The following SLC9A1 variants were observed in gnomAD, a reference collection of about 807,000 sequenced individuals.
SLC9A1 encodes sodium/hydrogen exchanger 1.
Under a neutral mutation model 67.9 loss-of-function variants are expected in SLC9A1, and 22 were observed. The observed-to-expected ratio is 0.32, with a 90% CI of 0.23 to 0.46. The LOEUF is 0.46. SLC9A1 is among the 20% of genes least tolerant of loss of function. SLC9A1 has a pLI of 1.00. For missense variants in SLC9A1, 686 were observed against 1,094.8 expected (o/e 0.63, Z 5.27); for synonymous variants, 421 against 471.8 (o/e 0.89, Z 1.40).
At position 27,104,472 on chromosome 1, in the gene SLC9A1, C is replaced by A. The variant is rs574593125; in HGVS notation, c.1486-1160G>T. 2.0e-5 allele frequency among the ~76,000 whole-genome samples: 3 copies of A among 152,302 alleles called. No homozygotes were observed. The East Asian group carries it at 5.8e-4, about 29-fold the overall frequency. ...GCTCAATCACAGCTCACAGCTGCCT[C>A]AATCTCCTGGGCTCAAGCTATCCTC... On this transcript the variant is annotated intron_variant, in intron 5 of 11. Coordinates refer to ENST00000263980, the MANE Select transcript of SLC9A1 (RefSeq NM_003047.5).
In SLC9A1 at chr1:27,131,950, ATATATATATAT is replaced by A. The variant is rs1557428225; in HGVS notation, c.353-17675_353-17665del. ...AGAAGAAGAAGAAGAAAAAAAAAAT[ATATATATATAT>A]ATATATATATATATATAAAATTATG... On this transcript the variant is annotated intron_variant, in intron 1 of 11. Coordinates refer to ENST00000263980, the MANE Select transcript of SLC9A1 (RefSeq NM_003047.5). Among the ~76,000 whole-genome samples, 805 of 92,030 alleles carry A rather than the reference ATATATATATAT, an allele frequency of 8.7e-3. 57 individuals are homozygous for A. Among genetic ancestry groups the A allele is most frequent in the African/African-American group, 0.035 (762 of 21,906 alleles). The allele number at this position is 92,030 out of a possible 152,430, so 60.4% of individuals were successfully genotyped here.
At chr1:27,115,494 G>C (rs751676252) in intron 1 of SLC9A1, among the ~76,000 whole-genome samples, 3 of 152,144 alleles carry the variant, frequency 2.0e-5, no homozygotes, top group Non-Finnish European at 4.4e-5. Context: ...GCATAGCCAA[G>C]AGGGTTTGTC....
intron 1 of SLC9A1, among the ~76,000 whole-genome samples, chr1:27,122,999 G>A (rs1557746300): frequency 1.3e-5 from 2 of 151,872 alleles, no homozygotes; most frequent in Non-Finnish European, 2.9e-5. Context: ...GGTTACCTGG[G>A]GAAGCGGTGG....
intron 1 of SLC9A1, among the ~76,000 whole-genome samples, chr1:27,131,775 T>C (rs1241748503): frequency 6.9e-6 from 1 of 145,114 alleles, no homozygotes; most frequent in Non-Finnish European, 1.5e-5. Context: ...TATCCAGGCA[T>C]GGTGGCACAC....
intron 1 of SLC9A1, among the ~76,000 whole-genome samples, chr1:27,146,084 G>C (rs1570886826): frequency 1.3e-5 from 2 of 152,202 alleles, no homozygotes; most frequent in Non-Finnish European, 2.9e-5. Flanking sequence ...GCCTGACTCA[G>C]ACATTTGCAG....
intron 1 of SLC9A1, among the ~76,000 whole-genome samples, chr1:27,116,692 C>T (rs185884770): frequency 2.8e-4 from 42 of 152,334 alleles, no homozygotes; most frequent in Admixed American, 2.7e-3. Flanking sequence ...GGCTGGTCCA[C>T]TGGGAAGGGC....
chr1:27,100,537 TG>T lies in SLC9A1; in HGVS notation c.2217del (p.Val741SerfsTer2), dbSNP rs1304070136. 6.2e-7 allele frequency: 1 copy of T among 1,614,076 alleles called. No individual in the cohort carries two copies. The highest frequency in any genetic ancestry group is 8.5e-7 in the Non-Finnish European group (1 of 1,179,932). On this transcript the variant is annotated frameshift_variant, in exon 12 of 12. Transcript: ENST00000263980. LOFTEE classifies it high-confidence loss of function. This position sits in a 1 kb window ranked among gnomAD's most constrained non-coding sequence, Gnocchi z 5.6. ...SVDLVNEELK[G>X]KVLGLSRDPA... ...GGATCCCGGCTCAACCCTAAGACTT[TG>T]CCCTTCAGCTCTTCATTCACCAGGT...
Position 27,109,523 on chromosome 1 carries a change from T to C in SLC9A1, c.1064+4A>G. On this transcript the variant is annotated splice_donor_region_variant and intron_variant, in intron 3 of 11. Transcript: ENST00000263980. The surrounding 1 kb of genome is among the most constrained non-coding windows in gnomAD (Gnocchi z 5.5). ...AGCCCACTGCCTGCTGCACGCAGAC[T>C]CACGCCATGATGCCTGACAGGTGGA... 1.3e-6 allele frequency: 2 copies of C among 1,562,588 alleles called. No homozygotes were observed. The highest frequency in any genetic ancestry group is 1.7e-6 in the Non-Finnish European group (2 of 1,147,816).
At chr1:27,136,276 G>A (rs1249120744) in intron 1 of SLC9A1, among the ~76,000 whole-genome samples, 1 of 152,236 alleles carries the variant, frequency 6.6e-6, no homozygotes, top group Non-Finnish European at 1.5e-5. Flanking sequence ...CCAGGTCCAC[G>A]ACTCAAGCTC....
intron 1 of SLC9A1, among the ~76,000 whole-genome samples, chr1:27,116,386 A>C (rs186129990): frequency 6.7e-6 from 1 of 149,726 alleles, no homozygotes; most frequent in African/African-American, 2.5e-5. Flanking sequence ...CTCCATCTTG[A>C]AAAAAAAAAG....
chr1:27,101,415 G>C lies in SLC9A1; in HGVS notation c.2038-140C>G. The C allele has an allele frequency of 1.5e-6, 1 of 681,542 alleles. No homozygotes were observed. Among genetic ancestry groups the C allele is most frequent in the Non-Finnish European group, 2.6e-6 (1 of 389,686 alleles). The allele number at this position is 681,542 out of a possible 1,614,324, so 42.2% of individuals were successfully genotyped here. On this transcript the variant is annotated intron_variant, in intron 10 of 11. Transcript: ENST00000263980. The surrounding 1 kb of genome is among the most constrained non-coding windows in gnomAD (Gnocchi z 4.9). ...CTCCCTTGTGCCTGTGTGGGCACCC[G>C]TACTGGCCCCTCAGGAGCTCCTAAG...
chr1:27,111,256 A>G (rs931337917), intron 2 of SLC9A1, among the ~76,000 whole-genome samples: 5 of 152,024 alleles, frequency 3.3e-5, no homozygotes. Flanking sequence ...GGTCTACCAC[A>G]TGGGCCCATG....
At position 27,154,175 on chromosome 1, in the gene SLC9A1, C is replaced by G. The variant is rs545434461; in HGVS notation, c.160G>C (p.Glu54Gln). ...GTGGTGACATCCCCAATCGAGCGTT[C>G]TCGTGGTGGCTCTGAGCTTCGAATG... ...STIRSSEPPR[E>Q]RSIGDVTTAP... Residue 54 changes from glutamate to glutamine, a missense_variant, in exon 1 of 12, where the codon GAA (glutamate) becomes CAA (glutamine). Physicochemically the swap from Glu to Gln is conservative, Grantham distance 29 (BLOSUM62 2). Coordinates refer to ENST00000263980, the MANE Select transcript of SLC9A1 (RefSeq NM_003047.5). 92 of 1,614,174 alleles carry G rather than the reference C, an allele frequency of 5.7e-5. No homozygotes were observed. In the Admixed American group the frequency reaches 1.5e-3, roughly 27 times the overall value.
chr1:27,134,382 T>C (rs1362246074), intron 1 of SLC9A1, among the ~76,000 whole-genome samples: 1 of 152,206 alleles, frequency 6.6e-6, no homozygotes, highest in East Asian at 1.9e-4. Flanking sequence ...CCAGCACACA[T>C]CACTTTTCAT....
intron 1 of SLC9A1, among the ~76,000 whole-genome samples, chr1:27,128,313 G>A (rs1407070142): frequency 2.0e-5 from 3 of 152,196 alleles, no homozygotes; most frequent in African/African-American, 7.2e-5. Flanking sequence ...CAGCGTTGCT[G>A]TAAGAGGAGA....
chr1:27,150,937 C>T (rs2083522361), intron 1 of SLC9A1, among the ~76,000 whole-genome samples: 3 of 152,174 alleles, frequency 2.0e-5, no homozygotes, highest in African/African-American at 4.8e-5. Context: ...CTCCTACCCA[C>T]GCAGGGGTGT....
chr1:27,131,947 A>AAAAATATATAT, intron 1 of SLC9A1, among the ~76,000 whole-genome samples: 9 of 52,122 alleles, frequency 1.7e-4, no homozygotes, highest in African/African-American at 4.4e-4. Context: ...AGAAAAAAAA[A>AAAAATATATAT]ATATATATAT....
chr1:27,153,410 G>C (rs953096907), intron 1 of SLC9A1, among the ~76,000 whole-genome samples: 13 of 152,202 alleles, frequency 8.5e-5, no homozygotes, highest in African/African-American at 3.1e-4. Context: ...AAAGCTGACA[G>C]ATAACATTCT....
intron 1 of SLC9A1, among the ~76,000 whole-genome samples, chr1:27,146,709 G>T (rs1239989280): frequency 6.6e-6 from 1 of 152,308 alleles, no homozygotes; most frequent in South Asian, 2.1e-4. Flanking sequence ...GAGCCAGGGA[G>T]GTTGAAGCTG....
Sources: gnomAD v4.1 joint callset for allele counts (sites outside exome capture counted in the v4.1 genomes callset) on GRCh38, gnomAD v4.1.1 for gene constraint, Gnocchi (gnomAD v3.1) non-coding constraint, MANE v1.5 for transcripts, NCBI Gene and HGNC (gene_info 2026-07-23, HGNC 2026-07-21) for gene names.